BCL2: variants seen among roughly 807,000 people sequenced by gnomAD.
BCL2 encodes apoptosis regulator Bcl-2.
BCL2 carries 1 observed loss-of-function variant against 14.2 expected under a neutral mutation model. That is an observed-to-expected ratio of 0.07 (90% CI 0.02 to 0.33). The LOEUF (loss-of-function observed/expected upper bound fraction) is 0.33. BCL2 is among the 10% of genes least tolerant of loss of function. BCL2 has a pLI of 0.99. For missense variants in BCL2, 247 were observed against 305.9 expected (o/e 0.81, Z 1.44); for synonymous variants, 151 against 137.2 (o/e 1.10, Z -0.70).
chr18:63,159,292 G>A (rs1914859107), intron 2 of BCL2, among the ~76,000 whole-genome samples: 1 of 152,170 alleles, frequency 6.6e-6, no homozygotes, highest in African/African-American at 2.4e-5. Flanking sequence ...TGAAAAGGGG[G>A]AAAAAGAGAG....
At chr18:63,204,735 G>C (rs1331649729) in intron 2 of BCL2, among the ~76,000 whole-genome samples, 1 of 152,136 alleles carries the variant, frequency 6.6e-6, no homozygotes, top group African/African-American at 2.4e-5. Context: ...ATACTAGGAA[G>C]TATTATACTA....
At position 63,125,365 on chromosome 18, in the gene BCL2, C is replaced by T. The variant is rs1327393664; in HGVS notation, c.*3260G>A. On this transcript the variant is annotated 3_prime_UTR_variant, in exon 3 of 3. Transcript: ENST00000333681. ...CCCTGCCAAATCTTCGGAGACGACC[C>T]GATGGCCATAGACCCTGTCAGCTGT... The T allele has an allele frequency of 1.3e-5, 3 of 224,450 alleles. No homozygotes were observed. Among genetic ancestry groups the T allele is most frequent in the Admixed American group, 1.1e-4 (2 of 17,476 alleles). The allele number at this position is 224,450 out of a possible 1,614,324, so 13.9% of individuals were successfully genotyped here.
chr18:63,283,656 G>A (rs536580687), intron 2 of BCL2, among the ~76,000 whole-genome samples: 2 of 152,314 alleles, frequency 1.3e-5, no homozygotes, highest in African/African-American at 4.8e-5. Flanking sequence ...ACACGCAGAA[G>A]AGTGCAGGGC....
chr18:63,127,735 T>C lies in BCL2; in HGVS notation c.*890A>G. 1 of 225,528 alleles carries C rather than the reference T, an allele frequency of 4.4e-6. No homozygotes were observed. The highest frequency in any genetic ancestry group is 1.8e-4 in the South Asian group (1 of 5,460). The allele number at this position is 225,528 out of a possible 1,614,324, so 14.0% of individuals were successfully genotyped here. Reference sequence around the variant, plus strand: ...CTTCCTGATGCGGAAGTCACCGAAATGTTCACTTCCTCAAGTTCCAGAGGA... The same window carrying C: ...CTTCCTGATGCGGAAGTCACCGAAACGTTCACTTCCTCAAGTTCCAGAGGA... On this transcript the variant is annotated 3_prime_UTR_variant, in exon 3 of 3. Coordinates refer to ENST00000333681, the MANE Select transcript of BCL2 (RefSeq NM_000633.3).
At chr18:63,176,237 T>C (rs559545674) in intron 2 of BCL2, among the ~76,000 whole-genome samples, 1 of 152,372 alleles carries the variant, frequency 6.6e-6, no homozygotes, top group African/African-American at 2.4e-5. Flanking sequence ...ATATTTTCTA[T>C]AATGATGAGA....
At chr18:63,276,219 C>A (rs1272988881) in intron 2 of BCL2, among the ~76,000 whole-genome samples, 1 of 152,186 alleles carries the variant, frequency 6.6e-6, no homozygotes, top group African/African-American at 2.4e-5. Context: ...GACACAGAAA[C>A]CTCAGCCTCC....
In BCL2 at chr18:63,150,362, TG is replaced by T. The variant is rs201948793; in HGVS notation, c.586-21604del. 1.3e-3 allele frequency among the ~76,000 whole-genome samples: 192 copies of T among 152,386 alleles called. 7 individuals carry two copies. In the East Asian group the frequency reaches 0.036, roughly 28 times the overall value. On this transcript the variant is annotated intron_variant, in intron 2 of 2. Transcript: ENST00000333681. ...AGAGTGGACACCAGTGAATGCACTC[TG>T]CTCCTATCTTCAATACTGTGGGCCC...
intron 2 of BCL2, among the ~76,000 whole-genome samples, chr18:63,273,690 C>G (rs1398463679): frequency 6.6e-6 from 1 of 152,124 alleles, no homozygotes; most frequent in Non-Finnish European, 1.5e-5. Context: ...CCAGTTCTAA[C>G]CGGTCATGGT....
chr18:63,264,952 C>T (rs569158100), intron 2 of BCL2, among the ~76,000 whole-genome samples: 8 of 112 alleles, frequency 0.071, no homozygotes, highest in Non-Finnish European at 0.12. Context: ...GGAAAGAACA[C>T]GGACTCTCAC....
At chr18:63,249,509 C>G (rs1203173026) in intron 2 of BCL2, among the ~76,000 whole-genome samples, 1 of 152,074 alleles carries the variant, frequency 6.6e-6, no homozygotes, top group Non-Finnish European at 1.5e-5. Context: ...GAATTCAAGA[C>G]CAGCCTGGCC....
intron 2 of BCL2, among the ~76,000 whole-genome samples, chr18:63,238,483 C>T (rs1422741164): frequency 2.0e-5 from 3 of 152,164 alleles, no homozygotes; most frequent in Admixed American, 6.5e-5. Context: ...GCATGGGGCC[C>T]ATAACAACGG....
intron 2 of BCL2, among the ~76,000 whole-genome samples, chr18:63,218,108 G>A (rs568978879): frequency 1.4e-4 from 22 of 152,276 alleles, no homozygotes; most frequent in African/African-American, 3.1e-4. Flanking sequence ...GTTTTCTTCC[G>A]TCTTCCTTCT....
At chr18:63,132,868 C>T (rs1018533849) in intron 2 of BCL2, among the ~76,000 whole-genome samples, 3 of 152,164 alleles carry the variant, frequency 2.0e-5, no homozygotes, top group Admixed American at 1.3e-4. Flanking sequence ...AAACCTGGGT[C>T]GTCATGTGAT....
intron 2 of BCL2, among the ~76,000 whole-genome samples, chr18:63,286,916 C>A (rs1905384586): frequency 6.6e-6 from 1 of 152,142 alleles, no homozygotes. Flanking sequence ...TCAAAAGACA[C>A]CTCCTACAAC....
At chr18:63,208,017 A>T (rs1336126953) in intron 2 of BCL2, 2 of 152,238 alleles carry the variant, frequency 1.3e-5, no homozygotes, top group Non-Finnish European at 2.9e-5. Flanking sequence ...CTAAGTAAAT[A>T]GTCCCCATCT....
intron 2 of BCL2, among the ~76,000 whole-genome samples, chr18:63,185,243 A>C (rs1166834727): frequency 6.6e-6 from 1 of 152,242 alleles, no homozygotes; most frequent in Non-Finnish European, 1.5e-5. Flanking sequence ...ATTAATCTTA[A>C]AAGGATTTCT....
At chr18:63,224,584 T>A (rs922871723) in intron 2 of BCL2, among the ~76,000 whole-genome samples, 2 of 152,176 alleles carry the variant, frequency 1.3e-5, no homozygotes, top group African/African-American at 4.8e-5. Flanking sequence ...CACAACAGAA[T>A]GAAGACAATT....
chr18:63,264,178 T>C (rs143665304), intron 2 of BCL2, among the ~76,000 whole-genome samples: 2 of 152,338 alleles, frequency 1.3e-5, no homozygotes, highest in African/African-American at 4.8e-5. Context: ...TCCTTCATAT[T>C]TGCTCATAGT....
At chr18:63,237,472 C>T (rs1051307871) in intron 2 of BCL2, among the ~76,000 whole-genome samples, 13 of 152,210 alleles carry the variant, frequency 8.5e-5, no homozygotes, top group African/African-American at 2.4e-4. Flanking sequence ...TAGAGACAGA[C>T]GGACTAGGTG....
Sources: gnomAD v4.1 joint callset for allele counts (sites outside exome capture counted in the v4.1 genomes callset) on GRCh38, gnomAD v4.1.1 for gene constraint, MANE v1.5 for transcripts, NCBI Gene and HGNC (gene_info 2026-07-23, HGNC 2026-07-21) for gene names.